DDX60L: variants seen among roughly 807,000 people sequenced by gnomAD.
DDX60L encodes the protein DExD/H-box 60 like.
In DDX60L, 191 loss-of-function variants were observed where a neutral mutation model predicts 211.6. That is an observed-to-expected ratio of 0.90 (90% CI 0.80 to 1.02). The LOEUF is 1.02. Ranked by LOEUF, DDX60L falls within the 50% of genes least tolerant of loss-of-function variation. The pLI, the probability that DDX60L is intolerant of heterozygous loss-of-function variation, is 0.00. For synonymous variants in DDX60L, 706 were observed against 694.1 expected, an observed-to-expected ratio of 1.02 and a Z score of -0.27; for missense variants, 2,007 against 1,984.1, an observed-to-expected ratio of 1.01 and a Z score of -0.22.
At chr4:168,371,830 T>C (rs1741084671) in intron 35 of DDX60L, 67 bp from the exon 36 acceptor site, 5 of 1,401,436 alleles carry the variant, frequency 3.6e-6, no homozygotes, top group East Asian at 2.4e-5. Flanking sequence ...CAGTTTGAGA[T>C]TTCCTTTGTA....
intron 29 of DDX60L, chr4:168,390,141 C>T (rs1272247575): frequency 2.0e-6 from 2 of 987,970 alleles, no homozygotes; most frequent in South Asian, 4.7e-5. Flanking sequence ...GGAGATAATG[C>T]TAAGTCATCA....
At chr4:168,451,887 C>T (rs1405867365) in intron 8 of DDX60L, among the ~76,000 whole-genome samples, 7 of 152,180 alleles carry the variant, frequency 4.6e-5, no homozygotes, top group Non-Finnish European at 1.0e-4. Context: ...CTCTTCCCTT[C>T]CCCCACTAAC....
At chr4:168,479,764 C>A (rs1760141715) in intron 1 of DDX60L, among the ~76,000 whole-genome samples, 1 of 110,712 alleles carries the variant, frequency 9.0e-6, no homozygotes, top group African/African-American at 3.8e-5. Flanking sequence ...GTCAGGAGAT[C>A]GAGACCATCC....
At chr4:168,400,799 T>C (rs1380300722) in intron 26 of DDX60L, 27 bp downstream of exon 26, 6 of 1,576,114 alleles carry the variant, frequency 3.8e-6, no homozygotes, top group Non-Finnish European at 5.2e-6. Flanking sequence ...CAGGGGCCAA[T>C]TTGTTTAAGT....
intron 37 of DDX60L, among the ~76,000 whole-genome samples, chr4:168,359,411 C>T (rs1738721859): frequency 6.6e-6 from 1 of 152,202 alleles, no homozygotes; most frequent in Non-Finnish European, 1.5e-5. Flanking sequence ...TTCATTAACA[C>T]TATCATTAAC....
intron 36 of DDX60L, among the ~76,000 whole-genome samples, chr4:168,362,315 C>G (rs9999329): frequency 0.01 from 1,573 of 152,352 alleles, 20 homozygotes; most frequent in African/African-American, 0.036. Flanking sequence ...ATATCCAGTT[C>G]AACAGCAGCC....
intron 29 of DDX60L, among the ~76,000 whole-genome samples, chr4:168,388,917 G>C (rs960319053): frequency 1.3e-5 from 2 of 152,272 alleles, no homozygotes; most frequent in East Asian, 1.9e-4. Flanking sequence ...TAGCAATAAG[G>C]GCATTCTGAT....
chr4:168,414,804 A>G (rs1749260689), intron 22 of DDX60L, among the ~76,000 whole-genome samples: 2 of 152,060 alleles, frequency 1.3e-5, no homozygotes, highest in Non-Finnish European at 2.9e-5. Context: ...GGAGCTAAAA[A>G]TTAAAACAAT....
At chr4:168,392,235 A>C (rs1744961428) in intron 28 of DDX60L, among the ~76,000 whole-genome samples, 1 of 152,214 alleles carries the variant, frequency 6.6e-6, no homozygotes. Context: ...TGATCTAATT[A>C]ATTGAAGGAT....
chr4:168,451,296 A>C (rs185817073), intron 8 of DDX60L, among the ~76,000 whole-genome samples: 9 of 152,202 alleles, frequency 5.9e-5, no homozygotes, highest in African/African-American at 2.2e-4. Flanking sequence ...AGAATACTTA[A>C]ACTGCCTTTT....
intron 22 of DDX60L, among the ~76,000 whole-genome samples, chr4:168,409,667 G>A (rs1200876062): frequency 2.0e-5 from 3 of 152,198 alleles, no homozygotes; most frequent in Non-Finnish European, 2.9e-5. Context: ...ATCACTTTAA[G>A]TGAGTTTTAC....
At chr4:168,475,257 G>A (rs1759315940) in intron 1 of DDX60L, among the ~76,000 whole-genome samples, 1 of 152,158 alleles carries the variant, frequency 6.6e-6, no homozygotes. Flanking sequence ...TGCTTAAAAA[G>A]CACCTGGACG....
intron 1 of DDX60L, among the ~76,000 whole-genome samples, chr4:168,479,697 G>A (rs923752055): frequency 2.0e-5 from 3 of 152,042 alleles, no homozygotes; most frequent in Non-Finnish European, 4.4e-5. Context: ...GGCCGGGCGC[G>A]GTGGCTCACG....
At chr4:168,371,887 G>A (rs1327707499) in intron 35 of DDX60L, 124 bp from the exon 36 acceptor site, 3 of 895,564 alleles carry the variant, frequency 3.3e-6, no homozygotes, top group African/African-American at 3.3e-5. Context: ...AAGTGAAGGA[G>A]GCAGGCAGAG....
chr4:168,470,619 T>C (rs1758627313), intron 4 of DDX60L: 1 of 152,690 alleles, frequency 6.5e-6, no homozygotes, highest in African/African-American at 2.4e-5. Context: ...GCGGGTGGAT[T>C]GCCTCAGGTC....
rs529276980 is a variant in DDX60L, at chr4:168,356,836, G to C, written c.*1311C>G. 6.6e-6 allele frequency: 1 copy of C among 152,262 alleles called. No individual in the cohort carries two copies. The highest frequency in any genetic ancestry group is 2.1e-4 in the South Asian group (1 of 4,824). 9.4% of individuals were successfully genotyped at this position (152,262 alleles called of 1,614,324 possible). A position where few individuals can be genotyped will look rare whatever the true frequency, so the allele number is the denominator to read the frequency against. On this transcript the variant is annotated 3_prime_UTR_variant, in exon 38 of 38. Transcript: ENST00000682922. ...CTAATTGTTTGCTTAAAGAATCACAGAACTTACATTCAAGATTTCATTTAC... is the reference window on the plus strand; with the variant it reads ...CTAATTGTTTGCTTAAAGAATCACACAACTTACATTCAAGATTTCATTTAC...
At chr4:168,378,548 T>C (rs1046575564) in intron 32 of DDX60L, 73 bp from the exon 33 acceptor site, 4 of 1,236,476 alleles carry the variant, frequency 3.2e-6, no homozygotes, top group Middle Eastern at 2.0e-4. Context: ...AAATTTGTTT[T>C]TATAGTACAT....
At chr4:168,419,097 T>C (rs920526105) in intron 19 of DDX60L, among the ~76,000 whole-genome samples, 1 of 152,254 alleles carries the variant, frequency 6.6e-6, no homozygotes, top group Non-Finnish European at 1.5e-5. Context: ...TGGTTTCCCT[T>C]GTACAAACCT....
At chr4:168,403,284 C>T (rs936995648) in intron 25 of DDX60L, among the ~76,000 whole-genome samples, 1 of 152,070 alleles carries the variant, frequency 6.6e-6, no homozygotes, top group Non-Finnish European at 1.5e-5. Context: ...TTAGTGCTAC[C>T]ATTTAACGTA....
Sources: gnomAD v4.1 joint callset for allele counts (sites outside exome capture counted in the v4.1 genomes callset) on GRCh38, gnomAD v4.1.1 for gene constraint, MANE v1.5 for transcripts, NCBI Gene and HGNC (gene_info 2026-07-23, HGNC 2026-07-21) for gene names.